MYO3B: variants seen among roughly 807,000 people sequenced by gnomAD.
MYO3B encodes the protein myosin-IIIb.
MYO3B carries 156 observed loss-of-function variants against 174.6 expected under a neutral mutation model. The ratio of observed to expected loss-of-function variants is 0.89; its 90% confidence interval spans 0.78 to 1.02. MYO3B has a LOEUF of 1.02. Ranked by LOEUF, MYO3B falls within the 50% of genes least tolerant of loss-of-function variation. The pLI is 0.00. For missense variants in MYO3B, 1,632 were observed against 1,639.4 expected, an observed-to-expected ratio of 1.00 and a Z score of 0.08; for synonymous variants, 563 against 569.1, an observed-to-expected ratio of 0.99 and a Z score of 0.15.
At chr2:170,338,485 A>G (rs1239344979) in intron 8 of MYO3B, among the ~76,000 whole-genome samples, 1 of 152,188 alleles carries the variant, frequency 6.6e-6, no homozygotes, top group African/African-American at 2.4e-5. Flanking sequence ...TAGGTGCTTC[A>G]ACCATAAATT....
chr2:170,479,521 A>G (rs888730116), intron 25 of MYO3B, among the ~76,000 whole-genome samples: 1 of 146,078 alleles, frequency 6.8e-6, no homozygotes, highest in African/African-American at 2.5e-5. Context: ...ATATACATCT[A>G]TATAATAGAG....
intron 25 of MYO3B, among the ~76,000 whole-genome samples, chr2:170,493,201 C>T (rs190605577): frequency 7.2e-5 from 11 of 152,242 alleles, no homozygotes; most frequent in Admixed American, 6.5e-4. Context: ...CAAGCAAAAG[C>T]TAAAGAACTA....
At chr2:170,201,307 G>T (rs2092658744) in intron 3 of MYO3B, among the ~76,000 whole-genome samples, 1 of 152,160 alleles carries the variant, frequency 6.6e-6, no homozygotes, top group Non-Finnish European at 1.5e-5. Context: ...TTTTATTCTG[G>T]GCTCTGACCT....
At chr2:170,301,874 CTTTTTTTTTTTT>C (rs10538086) in intron 7 of MYO3B, among the ~76,000 whole-genome samples, 2 of 74,740 alleles carry the variant, frequency 2.7e-5, no homozygotes, top group African/African-American at 5.6e-5. Flanking sequence ...AAAGTGGAGG[CTTTTTTTTTTTT>C]TTTTTTTTTT....
chr2:170,260,423 T>C (rs6759322), intron 7 of MYO3B, among the ~76,000 whole-genome samples: 89,968 of 152,104 alleles, frequency 0.59, 27,079 homozygotes, highest in South Asian at 0.73. Flanking sequence ...TGCAGCTGGA[T>C]GCTATTATCC....
At chr2:170,403,887 G>A (rs559088779) in intron 19 of MYO3B, among the ~76,000 whole-genome samples, 9 of 152,012 alleles carry the variant, frequency 5.9e-5, no homozygotes, top group Admixed American at 2.6e-4. Context: ...TTCCTTTGTC[G>A]AACTCCTTGC....
chr2:170,386,306 G>A (rs771279941), intron 13 of MYO3B, 34 bp downstream of exon 13: 9 of 1,568,952 alleles, frequency 5.7e-6, no homozygotes, highest in Non-Finnish European at 7.9e-6. Context: ...ATTGTGGCGA[G>A]AAGTTCCTAC....
In MYO3B at chr2:170,476,002, T is replaced by A. The variant is rs142193523; in HGVS notation, c.3014+9291T>A. ...CTTAGGCAGATTTACACAGCATTCT[T>A]GCTTTTCCCTGGGAGGTTAACTTTG... On this transcript the variant is annotated intron_variant, in intron 25 of 34. Transcript: ENST00000408978. 4.3e-4 allele frequency among the ~76,000 whole-genome samples: 65 copies of A among 152,336 alleles called. 2 individuals carry two copies. The East Asian group carries it at 0.013, about 29-fold the overall frequency.
intron 22 of MYO3B, among the ~76,000 whole-genome samples, chr2:170,416,233 A>G (rs1462700064): frequency 6.6e-6 from 1 of 152,162 alleles, no homozygotes; most frequent in Non-Finnish European, 1.5e-5. Context: ...CTTAAAAGAT[A>G]CAAACTAGAC....
intron 25 of MYO3B, among the ~76,000 whole-genome samples, chr2:170,485,420 C>CACACACAGAGAG: frequency 7.8e-6 from 1 of 127,906 alleles, no homozygotes; most frequent in Non-Finnish European, 1.6e-5. Context: ...CACACACACA[C>CACACACAGAGAG]AGAGAGAGAG....
chr2:170,420,453 C>T (rs1461844105), intron 22 of MYO3B, among the ~76,000 whole-genome samples: 2 of 152,086 alleles, frequency 1.3e-5, no homozygotes, highest in East Asian at 1.9e-4. Context: ...CAGAGAACCA[C>T]AGAGCTTTTG....
chr2:170,502,668 A>G (rs897278850), intron 28 of MYO3B, among the ~76,000 whole-genome samples: 1 of 152,210 alleles, frequency 6.6e-6, no homozygotes, highest in Admixed American at 6.5e-5. Flanking sequence ...AGGCTCTGGA[A>G]GAAACAGGCC....
At chr2:170,632,705 T>G (rs1388154970) in intron 32 of MYO3B, among the ~76,000 whole-genome samples, 25 of 152,074 alleles carry the variant, frequency 1.6e-4, no homozygotes, top group Admixed American at 1.5e-3. Flanking sequence ...GCTGGTTTTT[T>G]GAAAAGATCA....
At chr2:170,425,233 A>G (rs1297153943) in intron 22 of MYO3B, among the ~76,000 whole-genome samples, 3 of 152,176 alleles carry the variant, frequency 2.0e-5, no homozygotes, top group Non-Finnish European at 4.4e-5. Flanking sequence ...TAGAAACTGT[A>G]TTTTTCTTTT....
At chr2:170,189,898 T>A (rs2092518166) in intron 1 of MYO3B, among the ~76,000 whole-genome samples, 1 of 152,186 alleles carries the variant, frequency 6.6e-6, no homozygotes, top group African/African-American at 2.4e-5. Context: ...TGTGGATGTT[T>A]CTTTGTGGCT....
rs2094381515 is a variant in MYO3B at position 170,387,098 on chromosome 2, T to C, written c.1375-8T>C. 6.2e-7 allele frequency: 1 copy of C among 1,613,856 alleles called. No homozygotes were observed. The highest frequency in any genetic ancestry group is 8.5e-7 in the Non-Finnish European group (1 of 1,179,754). On this transcript the variant is annotated splice_region_variant and splice_polypyrimidine_tract_variant and intron_variant, in intron 13 of 34. Coordinates refer to ENST00000408978, the MANE Select transcript of MYO3B (RefSeq NM_138995.5). The stretch of plus-strand genomic sequence containing the variant: ...AGTCTCTTCTTGACCGTTCTCTGTT[T>C]GGCACAGGCCAATAATCAGACCTTG...
At position 170,478,454 on chromosome 2, in the gene MYO3B, A is replaced by G. The variant is rs186976302; in HGVS notation, c.3014+11743A>G. On this transcript the variant is annotated intron_variant, in intron 25 of 34. Coordinates refer to ENST00000408978, the MANE Select transcript of MYO3B (RefSeq NM_138995.5). ...TCAGAAAGTGCAGACGTGCCTGACT[A>G]GAAGCAGGTGAGATCCTGGGAATTT... 1.6e-3 allele frequency among the ~76,000 whole-genome samples: 240 copies of G among 151,834 alleles called. 1 individual carries two copies. The highest frequency in any genetic ancestry group is 2.7e-3 in the Non-Finnish European group (183 of 67,952).
At chr2:170,372,453 A>G (rs72874540) in intron 9 of MYO3B, among the ~76,000 whole-genome samples, 297 of 152,322 alleles carry the variant, frequency 1.9e-3, no homozygotes, top group Non-Finnish European at 3.3e-3. Context: ...TCATGAAAAT[A>G]AACACTACTG....
intron 7 of MYO3B, among the ~76,000 whole-genome samples, chr2:170,279,144 C>G (rs761414557): frequency 3.3e-5 from 5 of 152,080 alleles, no homozygotes; most frequent in Non-Finnish European, 4.4e-5. Flanking sequence ...TGGGTAAATA[C>G]TCAGCAGTGG....
Sources: gnomAD v4.1 joint callset for allele counts (sites outside exome capture counted in the v4.1 genomes callset) on GRCh38, gnomAD v4.1.1 for gene constraint, MANE v1.5 for transcripts, NCBI Gene and HGNC (gene_info 2026-07-23, HGNC 2026-07-21) for gene names.